The following PSD3 variants were observed in gnomAD, a reference collection of about 807,000 sequenced individuals.
PSD3 encodes the protein PH and SEC7 domain-containing protein 3.
PSD3 carries 49 observed loss-of-function variants against 105.5 expected under a neutral mutation model. The ratio of observed to expected loss-of-function variants is 0.46; its 90% CI spans 0.37 to 0.59. The LOEUF (loss-of-function observed/expected upper bound fraction) is 0.59. Ranked by LOEUF, PSD3 falls within the 20% of genes least tolerant of loss-of-function variation. The pLI, the probability that PSD3 is intolerant of heterozygous loss-of-function variation, is 0.00. For synonymous variants in PSD3, 557 were observed against 457.8 expected (o/e 1.22, Z -2.77); for missense variants, 1,561 against 1,263.8 (o/e 1.24, Z -3.57).
chr8:18,950,583 T>C (rs1428627117), intron 1 of PSD3, among the ~76,000 whole-genome samples: 1 of 152,168 alleles, frequency 6.6e-6, no homozygotes, highest in African/African-American at 2.4e-5. Context: ...TCTGTTTCTA[T>C]CAGTTCAACT....
At chr8:18,982,205 C>T (rs1825281908) in intron 1 of PSD3, among the ~76,000 whole-genome samples, 1 of 152,254 alleles carries the variant, frequency 6.6e-6, no homozygotes, top group African/African-American at 2.4e-5. Context: ...AGCTACTCCT[C>T]ATCCACTAAT....
intron 4 of PSD3, among the ~76,000 whole-genome samples, chr8:18,858,208 G>C (rs946728036): frequency 1.3e-5 from 2 of 152,252 alleles, no homozygotes; most frequent in Non-Finnish European, 2.9e-5. Flanking sequence ...GGATTTTCTG[G>C]TGCCTATAAG....
intron 2 of PSD3, among the ~76,000 whole-genome samples, chr8:18,907,978 G>T (rs1819957122): frequency 1.3e-5 from 2 of 152,150 alleles, no homozygotes; most frequent in Non-Finnish European, 2.9e-5. Context: ...TAAATTTTAA[G>T]TATGCAACGT....
intron 4 of PSD3, among the ~76,000 whole-genome samples, chr8:18,853,905 T>C (rs867176394): frequency 3.7e-4 from 56 of 152,184 alleles, no homozygotes. Flanking sequence ...GTAATAAATA[T>C]ACTCTTCATT....
chr8:18,788,932 A>G (rs1333932254), intron 8 of PSD3, among the ~76,000 whole-genome samples: 3 of 152,128 alleles, frequency 2.0e-5, no homozygotes. Context: ...ACTGGGGGGC[A>G]AAGGAGGACC....
chr8:18,581,131 G>A (rs1020867729), intron 12 of PSD3, among the ~76,000 whole-genome samples: 40 of 152,132 alleles, frequency 2.6e-4, no homozygotes, highest in African/African-American at 8.9e-4. Context: ...ACTCTGTAAC[G>A]AAGTGGATAT....
At chr8:18,825,581 C>G (rs1275496860) in intron 4 of PSD3, among the ~76,000 whole-genome samples, 1 of 152,160 alleles carries the variant, frequency 6.6e-6, no homozygotes, top group Non-Finnish European at 1.5e-5. Context: ...CAGAGGGTTT[C>G]AGTATTTTGA....
At chr8:18,907,796 G>A (rs1021412568) in intron 2 of PSD3, among the ~76,000 whole-genome samples, 1 of 152,168 alleles carries the variant, frequency 6.6e-6, no homozygotes, top group African/African-American at 2.4e-5. Flanking sequence ...TACAACAACA[G>A]ACAAATAACA....
intron 14 of PSD3, among the ~76,000 whole-genome samples, chr8:18,563,836 C>T (rs1175635006): frequency 6.6e-6 from 1 of 152,004 alleles, no homozygotes; most frequent in Non-Finnish European, 1.5e-5. Flanking sequence ...ATATTTTAGT[C>T]AGAACTGTAA....
chr8:18,895,192 G>C lies in PSD3; in HGVS notation c.131-22459C>G, dbSNP rs577128374. The stretch of plus-strand genomic sequence containing the variant: ...CACCTATCATCCCCTGGAAAGTTGG[G>C]CATATCCAGAGAAGCAGAATACAGC... On this transcript the variant is annotated intron_variant, in intron 2 of 15. Transcript: ENST00000327040. Among the ~76,000 whole-genome samples, 45 of 152,312 alleles carry C rather than the reference G, an allele frequency of 3.0e-4. 1 individual carries two copies. In the South Asian group the frequency reaches 9.1e-3, roughly 31 times the overall value.
At chr8:18,874,821 G>A (rs765328631) in intron 2 of PSD3, among the ~76,000 whole-genome samples, 10 of 151,184 alleles carry the variant, frequency 6.6e-5, no homozygotes, top group Non-Finnish European at 1.3e-4. Context: ...TATTGCTATT[G>A]AACACACGGT....
At chr8:18,950,226 A>C (rs1823153038) in intron 1 of PSD3, among the ~76,000 whole-genome samples, 1 of 152,248 alleles carries the variant, frequency 6.6e-6, no homozygotes, top group African/African-American at 2.4e-5. Flanking sequence ...TGAAAGCCAA[A>C]AGGAATAAAC....
intron 9 of PSD3, among the ~76,000 whole-genome samples, chr8:18,752,618 A>AT (rs1805681470): frequency 2.7e-5 from 2 of 73,022 alleles, no homozygotes; most frequent in African/African-American, 1.3e-4. Flanking sequence ...AATACATATA[A>AT]TATATATTAT....
chr8:19,015,600 C>T (rs1054534195), upstream of PSD3, among the ~76,000 whole-genome samples: 2 of 152,146 alleles, frequency 1.3e-5, no homozygotes, highest in Non-Finnish European at 2.9e-5. Context: ...AATTAACCAA[C>T]TCATAAACAA....
At chr8:19,021,616 C>T (rs957704430) in intron 1 of PSD3, among the ~76,000 whole-genome samples, 4 of 151,278 alleles carry the variant, frequency 2.6e-5, no homozygotes, top group African/African-American at 9.7e-5. Flanking sequence ...TAATGAAATC[C>T]ATGTAAGTAT....
intron 9 of PSD3, among the ~76,000 whole-genome samples, chr8:18,724,823 ATAAC>A (rs1310968001): frequency 6.6e-6 from 1 of 152,116 alleles, no homozygotes; most frequent in Non-Finnish European, 1.5e-5. Context: ...GAAATAACAT[ATAAC>A]TAACTAACAG....
At chr8:18,970,236 A>T (rs113020171) in intron 1 of PSD3, among the ~76,000 whole-genome samples, 5,011 of 143,358 alleles carry the variant, frequency 0.035, 274 homozygotes, top group African/African-American at 0.12. Context: ...GAGGCAGGAG[A>T]ATGGCATGAA....
intron 1 of PSD3, among the ~76,000 whole-genome samples, chr8:18,968,966 G>T (rs1047420234): frequency 2.8e-4 from 43 of 151,360 alleles, no homozygotes; most frequent in Admixed American, 4.6e-4. Context: ...TGCAGTGGGG[G>T]ATATGAAGAC....
rs1225938318 is a variant in PSD3, at chr8:18,556,274, C to T, written c.2863G>A (p.Asp955Asn). Residue 955 changes from aspartate (D) to asparagine (N), a missense_variant, in exon 15 of 16, where the codon GAC becomes AAC. Coordinates refer to ENST00000327040, the MANE Select transcript of PSD3 (RefSeq NM_015310.4). ...ACGTCCTTGGCTTTGACCTTCTTGT[C>T]GGGGGGATATGAGCGGTGCTCGGCC... is the stretch of plus-strand genomic sequence containing the variant. ...ELAEHRSYPPDKKVKAKDVDE... is the reference protein window; with the variant it reads ...ELAEHRSYPPNKKVKAKDVDE... 9.9e-6 allele frequency: 16 copies of T among 1,613,920 alleles called. No homozygotes were observed. Among genetic ancestry groups the T allele is most frequent in the East Asian group, 6.7e-5 (3 of 44,872 alleles).
Sources: gnomAD v4.1 joint callset for allele counts (sites outside exome capture counted in the v4.1 genomes callset) on GRCh38, gnomAD v4.1.1 for gene constraint, MANE v1.5 for transcripts, NCBI Gene and HGNC (gene_info 2026-07-23, HGNC 2026-07-21) for gene names.